The following SOX6 variants were observed in gnomAD, a reference collection of about 807,000 sequenced individuals.
The protein encoded by SOX6 is transcription factor SOX-6.
In SOX6, 11 loss-of-function variants were observed where a neutral mutation model predicts 97.8. The ratio of observed to expected loss-of-function variants is 0.11; its 90% CI spans 0.07 to 0.19. SOX6 has a LOEUF of 0.19. Ranked by LOEUF, SOX6 falls within the 10% of genes least tolerant of loss-of-function variation. The pLI is 1.00. For missense variants in SOX6, 810 were observed against 1,039.5 expected, an observed-to-expected ratio of 0.78 and a Z score of 3.04; for synonymous variants, 360 against 371.4, an observed-to-expected ratio of 0.97 and a Z score of 0.35.
At chr11:16,504,763 G>A (rs1220556673) in intron 4 of SOX6, among the ~76,000 whole-genome samples, 1 of 152,040 alleles carries the variant, frequency 6.6e-6, no homozygotes, top group Non-Finnish European at 1.5e-5. Context: ...GGAAGCAGAT[G>A]TCCCCATGCT....
chr11:16,438,903 C>T (rs967811385), intron 1 of SOX6, among the ~76,000 whole-genome samples: 1 of 152,056 alleles, frequency 6.6e-6, no homozygotes, highest in African/African-American at 2.4e-5. Context: ...CAGAAGTAAC[C>T]TTATAATAAC....
At chr11:16,474,850 T>C (rs549584217) in intron 1 of SOX6, among the ~76,000 whole-genome samples, 5 of 152,346 alleles carry the variant, frequency 3.3e-5, no homozygotes, top group African/African-American at 4.8e-5. Context: ...AAGTCCTAGA[T>C]AGCATCTTCT....
At chr11:16,582,988 C>T (rs1457127025) in intron 4 of SOX6, among the ~76,000 whole-genome samples, 3 of 151,872 alleles carry the variant, frequency 2.0e-5, no homozygotes, top group African/African-American at 4.8e-5. Flanking sequence ...AAAGATAGCA[C>T]CAAAATAAAT....
intron 4 of SOX6, among the ~76,000 whole-genome samples, chr11:16,532,621 C>G (rs1438039888): frequency 1.3e-5 from 2 of 151,860 alleles, no homozygotes; most frequent in Non-Finnish European, 2.9e-5. Context: ...AATGTATACT[C>G]CAGAGTAATT....
chr11:16,337,344 T>A (rs1276456338), intron 2 of SOX6, among the ~76,000 whole-genome samples: 1 of 152,312 alleles, frequency 6.6e-6, no homozygotes, highest in Non-Finnish European at 1.5e-5. Context: ...TAAGTTTATC[T>A]GTCCTTTCTA....
intron 2 of SOX6, among the ~76,000 whole-genome samples, chr11:16,332,583 G>A (rs954232269): frequency 1.3e-5 from 2 of 152,032 alleles, no homozygotes; most frequent in Non-Finnish European, 2.9e-5. Context: ...TTTCCAGGGT[G>A]CTAATGAAAT....
chr11:16,378,937 TA>T (rs1442012477), intron 1 of SOX6, among the ~76,000 whole-genome samples: 4 of 152,052 alleles, frequency 2.6e-5, no homozygotes, highest in Non-Finnish European at 2.9e-5. Flanking sequence ...CTATTCTAAA[TA>T]TTTTTTATAT....
intron 3 of SOX6, among the ~76,000 whole-genome samples, chr11:16,698,988 T>C: frequency 6.6e-6 from 1 of 152,196 alleles, no homozygotes; most frequent in East Asian, 1.9e-4. Flanking sequence ...GAAGTGAGCA[T>C]ATATTGTTAG....
upstream of SOX6, among the ~76,000 whole-genome samples, chr11:16,479,983 A>G (rs1399614421): frequency 6.6e-6 from 1 of 152,134 alleles, no homozygotes; most frequent in Non-Finnish European, 1.5e-5. Context: ...ATTGTGCTAC[A>G]TACATATAAC....
intron 7 of SOX6, among the ~76,000 whole-genome samples, chr11:16,110,020 T>C (rs1849190536): frequency 6.6e-6 from 1 of 152,180 alleles, no homozygotes; most frequent in Non-Finnish European, 1.5e-5. Context: ...CTCAGTTACA[T>C]ATTATAATCT....
At chr11:16,458,649 C>T (rs151092072) in intron 1 of SOX6, among the ~76,000 whole-genome samples, 1 of 152,120 alleles carries the variant, frequency 6.6e-6, no homozygotes, top group Non-Finnish European at 1.5e-5. Context: ...TATTATGTAA[C>T]ATTCCTCACA....
At chr11:16,681,214 A>T (rs1379651173) in intron 3 of SOX6, among the ~76,000 whole-genome samples, 1 of 152,198 alleles carries the variant, frequency 6.6e-6, no homozygotes, top group Non-Finnish European at 1.5e-5. Flanking sequence ...TGGAAGTAAA[A>T]CACTTCTTAG....
chr11:15,981,140 C>G (rs896831454), intron 15 of SOX6, among the ~76,000 whole-genome samples: 2 of 151,992 alleles, frequency 1.3e-5, no homozygotes, highest in Admixed American at 6.6e-5. Context: ...TTTTTTCCTT[C>G]CTTTATAGAT....
intron 7 of SOX6, among the ~76,000 whole-genome samples, chr11:16,102,632 A>G (rs1848977546): frequency 6.6e-6 from 1 of 152,044 alleles, no homozygotes; most frequent in Non-Finnish European, 1.5e-5. Flanking sequence ...AAACTATACT[A>G]TAAGGCCATA....
intron 1 of SOX6, among the ~76,000 whole-genome samples, chr11:16,394,902 A>C (rs565075054): frequency 7.8e-4 from 118 of 152,000 alleles, no homozygotes; most frequent in Admixed American, 2.0e-3. Flanking sequence ...AAAGTGACAG[A>C]CTACACTGAA....
chr11:16,209,562 C>A (rs1852164184), intron 4 of SOX6, among the ~76,000 whole-genome samples: 1 of 152,096 alleles, frequency 6.6e-6, no homozygotes, highest in African/African-American at 2.4e-5. Flanking sequence ...TGGAGACTAG[C>A]CTGGATAACA....
At position 16,689,743 on chromosome 11, in the gene SOX6, A is replaced by G. The variant is rs117914828; in HGVS notation, n.429+25087T>C. On this transcript the variant is annotated intron_variant and non_coding_transcript_variant, in intron 3 of 5. Transcript: ENST00000524520. ...TGCTTTGCTTTTAAGTACATTCTAG[A>G]TAATTTATATTTATTTGTTTTGGTT... Among the ~76,000 whole-genome samples the G allele has an allele frequency of 7.3e-3, 1,112 of 152,312 alleles. 9 individuals are homozygous for G. The highest frequency in any genetic ancestry group is 0.015 in the Admixed American group (225 of 15,302).
intron 7 of SOX6, among the ~76,000 whole-genome samples, chr11:16,107,316 T>C (rs1849112367): frequency 6.6e-6 from 1 of 150,580 alleles, no homozygotes; most frequent in African/African-American, 2.4e-5. Context: ...TTATTCATAA[T>C]AGCCAAAAGG....
intron 1 of SOX6, among the ~76,000 whole-genome samples, chr11:16,389,969 T>TATAAAAAAAAAAAAAA (rs1858116873): frequency 2.4e-5 from 1 of 41,856 alleles, no homozygotes; most frequent in Non-Finnish European, 4.1e-5. Flanking sequence ...GACTCCGTCT[T>TATAAAAAAAAAAAAAA]AAAAAAAAAA....
Sources: gnomAD v4.1 joint callset for allele counts (sites outside exome capture counted in the v4.1 genomes callset) on GRCh38, gnomAD v4.1.1 for gene constraint, MANE v1.5 for transcripts, NCBI Gene and HGNC (gene_info 2026-07-23, HGNC 2026-07-21) for gene names.